Variants in ALKBH8 observed in about 807,000 individuals in gnomAD.
The protein encoded by ALKBH8 is alkB homolog 8, tRNA methyltransferase, also known as tRNA (carboxymethyluridine(34)-5-O)-methyltransferase ALKBH8.
A neutral mutation model predicts 59.8 loss-of-function variants in ALKBH8; 36 were observed. That is an observed-to-expected ratio of 0.60 (90% CI 0.46 to 0.79). The LOEUF (loss-of-function observed/expected upper bound fraction) is 0.79. ALKBH8 is among the 30% of genes least tolerant of loss of function. ALKBH8 has a pLI of 0.00. For synonymous variants in ALKBH8, 276 were observed against 273.6 expected (o/e 1.01, Z -0.09); for missense variants, 768 against 801.0 (o/e 0.96, Z 0.50).
chr11:107,549,703 A>C (rs1864413861), intron 7 of ALKBH8, 50 bp downstream of exon 7: 4 of 1,225,968 alleles, frequency 3.3e-6, no homozygotes, highest in Admixed American at 2.4e-5. Context: ...TGAAAAGGGC[A>C]TTGTACAAGG....
At chr11:107,554,031 A>G in intron 3 of ALKBH8, 53 bp from the exon 4 acceptor site, 1 of 1,596,416 alleles carries the variant, frequency 6.3e-7, no homozygotes, top group African/African-American at 1.3e-5. Context: ...GTTCCTATAT[A>G]CAAATAATTC....
At chr11:107,540,482 A>G (rs1863990874) in intron 7 of ALKBH8, among the ~76,000 whole-genome samples, 1 of 152,256 alleles carries the variant, frequency 6.6e-6, no homozygotes. Flanking sequence ...ATGTTACAAT[A>G]CAGAACAAAA....
At chr11:107,556,703 T>C in intron 3 of ALKBH8, 63 bp downstream of exon 3, 2 of 1,198,616 alleles carry the variant, frequency 1.7e-6, no homozygotes, top group Non-Finnish European at 2.2e-6. Flanking sequence ...CCTCCCAACT[T>C]AAGTCTATGA....
rs183551560 is a variant in ALKBH8, at chr11:107,508,619, C to T, written c.1437+2268G>A. ...TATTATCCATCTCCAGAATTTTTTT[C>T]ATCATGCCAAACTGAAACTCTGTAT... On this transcript the variant is annotated intron_variant, in intron 11 of 11. Coordinates refer to ENST00000428149, the MANE Select transcript of ALKBH8 (RefSeq NM_138775.3). Among the ~76,000 whole-genome samples, 921 of 152,270 alleles carry T rather than the reference C, an allele frequency of 6.0e-3. 7 individuals carry two copies. The highest frequency in any genetic ancestry group is 0.01 in the Non-Finnish European group (697 of 68,004).
chr11:107,504,865 C>G lies in ALKBH8; in HGVS notation c.1788G>C (p.Trp596Cys). The change falls in exon 12 of 12, where the codon TGG becomes TGC. Residue 596 changes from tryptophan to cysteine, a missense_variant. Coordinates refer to ENST00000428149, the MANE Select transcript of ALKBH8 (RefSeq NM_138775.3). ...SFYSQDVLVP[W>C]HLKGNPDKGK... is the part of the protein sequence containing the mutation. The stretch of plus-strand genomic sequence containing the variant: ...CTTTATCAGGATTTCCCTTAAGGTG[C>G]CAGGGAACCAGTACATCTTGAGAAT... The G allele has an allele frequency of 6.4e-7, 1 of 1,551,742 alleles. No individual in the cohort carries two copies. The highest frequency in any genetic ancestry group is 8.7e-7 in the Non-Finnish European group (1 of 1,146,960).
intron 2 of ALKBH8, 103 bp downstream of exon 2, chr11:107,560,662 G>T: frequency 8.7e-7 from 1 of 1,143,478 alleles, no homozygotes; most frequent in South Asian, 1.8e-5. Flanking sequence ...TGTAACACAT[G>T]ACTGAACAAT....
chr11:107,520,490 A>C (rs966045020), intron 10 of ALKBH8, among the ~76,000 whole-genome samples: 1 of 152,122 alleles, frequency 6.6e-6, no homozygotes, highest in African/African-American at 2.4e-5. Flanking sequence ...CACTGTCACA[A>C]ATGATACCTG....
intron 7 of ALKBH8, among the ~76,000 whole-genome samples, chr11:107,547,540 C>T (rs899800982): frequency 6.6e-6 from 1 of 152,120 alleles, no homozygotes; most frequent in African/African-American, 2.4e-5. Flanking sequence ...CTATCACAAT[C>T]CTTCAGCCAG....
intron 7 of ALKBH8, among the ~76,000 whole-genome samples, chr11:107,549,314 C>G (rs1864399779): frequency 2.0e-5 from 3 of 152,172 alleles, no homozygotes; most frequent in Admixed American, 2.0e-4. Context: ...ATATTACCCT[C>G]TACTTCTCAG....
intron 7 of ALKBH8, among the ~76,000 whole-genome samples, chr11:107,549,236 A>G (rs1295820622): frequency 6.6e-6 from 1 of 152,190 alleles, no homozygotes; most frequent in Non-Finnish European, 1.5e-5. Flanking sequence ...GGCTCAAGCA[A>G]AGTGCAGCTA....
At position 107,502,772 on chromosome 11, in the gene ALKBH8, T is replaced by C. The variant is rs1862233346; in HGVS notation, c.*1886A>G. The C allele has an allele frequency of 6.6e-6, 1 of 152,356 alleles. No homozygotes were observed. The highest frequency in any genetic ancestry group is 2.4e-5 in the African/African-American group (1 of 41,582). 9.4% of individuals were successfully genotyped at this position (152,356 alleles called of 1,614,324 possible). On this transcript the variant is annotated 3_prime_UTR_variant, in exon 12 of 12. Coordinates refer to ENST00000428149, the MANE Select transcript of ALKBH8 (RefSeq NM_138775.3). Reference sequence around the variant, plus strand: ...TATTATACAATTAACAAATTATATTTGGCATCACTTAATACCTAAAACTCC... The same window carrying C: ...TATTATACAATTAACAAATTATATTCGGCATCACTTAATACCTAAAACTCC...
intron 7 of ALKBH8, among the ~76,000 whole-genome samples, chr11:107,549,094 G>A (rs897072277): frequency 1.3e-5 from 2 of 151,920 alleles, no homozygotes; most frequent in Non-Finnish European, 2.9e-5. Flanking sequence ...CTCGTGATCT[G>A]CCCGCCTCAG....
At chr11:107,541,933 C>T (rs1053770251) in intron 7 of ALKBH8, among the ~76,000 whole-genome samples, 1 of 152,084 alleles carries the variant, frequency 6.6e-6, no homozygotes, top group Non-Finnish European at 1.5e-5. Flanking sequence ...AAAAACCAGA[C>T]ATTCTAAAAC....
Position 107,504,868 on chromosome 11 carries a change from G to C in ALKBH8, c.1785C>G (p.Pro595=). ...TATCAGGATTTCCCTTAAGGTGCCA[G>C]GGAACCAGTACATCTTGAGAATAAA... ...TSFYSQDVLV[P]WHLKGNPDKG... The change falls in exon 12 of 12, where the codon CCC becomes CCG. Residue 595 remains proline, a synonymous_variant. Transcript: ENST00000428149. 1 of 1,551,794 alleles carries C rather than the reference G, an allele frequency of 6.4e-7. No individual in the cohort carries two copies. The highest frequency in any genetic ancestry group is 8.7e-7 in the Non-Finnish European group (1 of 1,146,988).
At chr11:107,545,918 C>T (rs499413) in intron 7 of ALKBH8, among the ~76,000 whole-genome samples, 114,660 of 152,070 alleles carry the variant, frequency 0.75, 44,376 homozygotes, top group South Asian at 0.85. Flanking sequence ...ACTTTCACAA[C>T]GAAGAGAAAA....
intron 10 of ALKBH8, among the ~76,000 whole-genome samples, chr11:107,517,143 A>T (rs1035546043): frequency 6.6e-6 from 1 of 152,268 alleles, no homozygotes. Flanking sequence ...AAAGACATAC[A>T]AATGGCCAAG....
At chr11:107,525,846 C>G (rs952772987) in intron 8 of ALKBH8, among the ~76,000 whole-genome samples, 4 of 151,222 alleles carry the variant, frequency 2.6e-5, no homozygotes, top group Non-Finnish European at 1.5e-5. Context: ...TTAATTAACA[C>G]CAATTCTAAA....
intron 2 of ALKBH8, among the ~76,000 whole-genome samples, chr11:107,558,826 T>A (rs960584872): frequency 3.3e-5 from 5 of 152,244 alleles, no homozygotes; most frequent in African/African-American, 9.6e-5. Context: ...GAATTTTTTT[T>A]AAGTTATCTT....
chr11:107,562,468 C>T (rs918574956), intron 1 of ALKBH8, among the ~76,000 whole-genome samples: 1 of 152,052 alleles, frequency 6.6e-6, no homozygotes. Context: ...TTGGCCAAGA[C>T]ACCAAGACAC....
Sources: gnomAD v4.1 joint callset for allele counts (sites outside exome capture counted in the v4.1 genomes callset) on GRCh38, gnomAD v4.1.1 for gene constraint, MANE v1.5 for transcripts, NCBI Gene and HGNC (gene_info 2026-07-23, HGNC 2026-07-21) for gene names.